Variants in KCNH8 observed in about 807,000 individuals in gnomAD.
KCNH8 encodes voltage-gated delayed rectifier potassium channel KCNH8.
KCNH8 carries 70 observed loss-of-function variants against 103.6 expected under a neutral mutation model. That is an observed-to-expected ratio of 0.68 (90% CI 0.56 to 0.82). The LOEUF is 0.82. KCNH8 is among the 40% of genes least tolerant of loss of function. KCNH8 has a pLI of 0.00. For missense variants in KCNH8, 1,217 were observed against 1,329.9 expected (o/e 0.92, Z 1.32); for synonymous variants, 498 against 489.4 (o/e 1.02, Z -0.23).
At chr3:19,149,469 G>A (rs1367478467) in intron 1 of KCNH8, among the ~76,000 whole-genome samples, 2 of 151,018 alleles carry the variant, frequency 1.3e-5, no homozygotes, top group African/African-American at 2.4e-5. Flanking sequence ...TTTTGAGTAC[G>A]AATATTATTG....
intron 1 of KCNH8, among the ~76,000 whole-genome samples, chr3:19,177,826 G>T (rs2063415194): frequency 6.6e-6 from 1 of 152,034 alleles, no homozygotes; most frequent in Non-Finnish European, 1.5e-5. Flanking sequence ...AAAATGAAAA[G>T]ACTTCATAAT....
In KCNH8 at chr3:19,192,314, C is replaced by A. The variant is rs1051360709; in HGVS notation, c.76+43519C>A. Reference sequence around the variant, plus strand: ...GATAGAATGTACTCATGTTTGTTTTCATTTTTTGAGGTAGCAAACATAGTA... The same window carrying A: ...GATAGAATGTACTCATGTTTGTTTTAATTTTTTGAGGTAGCAAACATAGTA... On this transcript the variant is annotated intron_variant, in intron 1 of 15. Transcript: ENST00000328405. Among the ~76,000 whole-genome samples, 8 of 151,668 alleles carry A rather than the reference C, an allele frequency of 5.3e-5. 1 individual carries two copies. The highest frequency in any genetic ancestry group is 6.8e-3 in the Middle Eastern group (2 of 294).
intron 2 of KCNH8, among the ~76,000 whole-genome samples, chr3:19,260,832 A>T (rs1402615012): frequency 6.7e-6 from 1 of 149,226 alleles, no homozygotes; most frequent in African/African-American, 2.4e-5. Flanking sequence ...TCAGCTTATG[A>T]TTCCATATAT....
chr3:19,455,607 G>A (rs950632497), intron 10 of KCNH8, among the ~76,000 whole-genome samples: 1 of 152,002 alleles, frequency 6.6e-6, no homozygotes, highest in African/African-American at 2.4e-5. Context: ...AGGTAATGAG[G>A]TGAATACCAA....
intron 7 of KCNH8, among the ~76,000 whole-genome samples, chr3:19,395,995 T>C (rs1049627160): frequency 2.0e-5 from 3 of 152,152 alleles, no homozygotes; most frequent in Middle Eastern, 3.4e-3. Context: ...TCAACCACAG[T>C]AAATTTATAG....
chr3:19,176,156 C>T (rs2063397736), intron 1 of KCNH8, among the ~76,000 whole-genome samples: 1 of 152,060 alleles, frequency 6.6e-6, no homozygotes, highest in Non-Finnish European at 1.5e-5. Flanking sequence ...TAATATTTTA[C>T]TTCAGTTTTT....
intron 3 of KCNH8, among the ~76,000 whole-genome samples, chr3:19,307,409 G>A (rs550521347): frequency 1.4e-4 from 21 of 151,954 alleles, no homozygotes; most frequent in African/African-American, 4.1e-4. Context: ...GCAAAGCTGT[G>A]GAGAAAAGGG....
intron 11 of KCNH8, among the ~76,000 whole-genome samples, chr3:19,463,017 C>T (rs1343791638): frequency 3.3e-5 from 5 of 152,204 alleles, no homozygotes; most frequent in African/African-American, 9.6e-5. Context: ...TATGTACACA[C>T]GTTTTTTCTT....
At chr3:19,375,215 C>G (rs570477887) in intron 5 of KCNH8, among the ~76,000 whole-genome samples, 1 of 152,102 alleles carries the variant, frequency 6.6e-6, no homozygotes, top group South Asian at 2.1e-4. Context: ...CAGGTTGGTT[C>G]CATTCTCCCC....
At chr3:19,467,792 GTAACATCCAGACTTT>G (rs1419634552) in intron 11 of KCNH8, among the ~76,000 whole-genome samples, 4 of 152,168 alleles carry the variant, frequency 2.6e-5, no homozygotes, top group African/African-American at 9.7e-5. Flanking sequence ...TGGGCTGGTA[GTAACATCCAGACTTT>G]TTATCATAAC....
intron 1 of KCNH8, among the ~76,000 whole-genome samples, chr3:19,201,077 C>A (rs2125217365): frequency 6.6e-6 from 1 of 150,596 alleles, no homozygotes; most frequent in African/African-American, 2.4e-5. Context: ...GCTAAAAATA[C>A]AAAAATTAGC....
chr3:19,375,836 C>G (rs1177170576), intron 5 of KCNH8, among the ~76,000 whole-genome samples: 10 of 152,160 alleles, frequency 6.6e-5, no homozygotes, highest in Non-Finnish European at 1.0e-4. Flanking sequence ...ACAGGGCCCT[C>G]AGCTGCAGGT....
rs34561654 is a variant in KCNH8 at position 19,533,740 on chromosome 3, C to T, written c.2965C>T (p.Pro989Ser). Reference protein sequence around the residue: ...NPADSELYHSPSLDYSPSHYQ... With the variant: ...NPADSELYHSSSLDYSPSHYQ... ...TGCAGACAGTGAACTTTATCATTCT[C>T]CAAGCCTTGATTATTCACCTTCCCA... Residue 989 changes from proline to serine, a missense_variant, in exon 16 of 16, where the codon CCA becomes TCA. Around this residue, in one of 3 missense-constraint regions of KCNH8, gnomAD observed 558 missense variants for 495.8 expected, o/e 1.13. Transcript: ENST00000328405. The T allele has an allele frequency of 0.016, 25,405 of 1,614,162 alleles. 247 individuals carry two copies. The highest frequency in any genetic ancestry group is 0.019 in the Middle Eastern group (117 of 6,060).
chr3:19,360,666 A>G (rs2065936170), intron 5 of KCNH8, among the ~76,000 whole-genome samples: 2 of 152,010 alleles, frequency 1.3e-5, no homozygotes, highest in Non-Finnish European at 2.9e-5. Flanking sequence ...TTCTCTACCT[A>G]GTCATCTTAA....
chr3:19,350,915 A>G (rs2065792763), intron 5 of KCNH8, among the ~76,000 whole-genome samples: 1 of 152,082 alleles, frequency 6.6e-6, no homozygotes, highest in Non-Finnish European at 1.5e-5. Context: ...GCTTCAGACA[A>G]TCGGTAATAA....
intron 3 of KCNH8, among the ~76,000 whole-genome samples, chr3:19,284,508 GGTGTGTGTGTGTGTGT>G (rs66509260): frequency 7.3e-5 from 10 of 136,622 alleles, no homozygotes; most frequent in South Asian, 5.1e-4. Context: ...TGGATCTGCT[GGTGTGTGTGTGTGTGT>G]GTGTGTGTGT....
intron 8 of KCNH8, among the ~76,000 whole-genome samples, chr3:19,445,882 A>G (rs2067355423): frequency 6.6e-6 from 1 of 151,990 alleles, no homozygotes; most frequent in Non-Finnish European, 1.5e-5. Flanking sequence ...TTATGCCAAG[A>G]GCTGTGCTAG....
intron 5 of KCNH8, among the ~76,000 whole-genome samples, chr3:19,375,394 G>C (rs1196654418): frequency 2.0e-5 from 3 of 150,962 alleles, no homozygotes; most frequent in Admixed American, 1.3e-4. Context: ...CCAGTTGATT[G>C]CATCGGCTCC....
At chr3:19,153,640 T>C (rs573306870) in intron 1 of KCNH8, among the ~76,000 whole-genome samples, 17 of 148,848 alleles carry the variant, frequency 1.1e-4, no homozygotes, top group Admixed American at 4.0e-4. Context: ...TTTTTCTTTT[T>C]TTTTTTTTTT....
Sources: gnomAD v4.1 joint callset for allele counts (sites outside exome capture counted in the v4.1 genomes callset) on GRCh38, gnomAD v4.1.1 for gene constraint, gnomAD v4.1.1 regional missense constraint, MANE v1.5 for transcripts, NCBI Gene and HGNC (gene_info 2026-07-23, HGNC 2026-07-21) for gene names.